The following TEN1 variants were observed in gnomAD, a reference collection of about 807,000 sequenced individuals.
The protein encoded by TEN1 is TEN1 subunit of CST complex.
TEN1 carries 6 observed loss-of-function variants against 9.3 expected under a neutral mutation model. That is an observed-to-expected ratio of 0.65 (90% CI 0.35 to 1.27). The LOEUF (loss-of-function observed/expected upper bound fraction) is 1.27. TEN1 is among the 50% of genes most tolerant of loss of function. The pLI, the probability that TEN1 is intolerant of heterozygous loss-of-function variation, is 0.03. For missense variants in TEN1, 149 were observed against 158.2 expected (o/e 0.94, Z 0.31); for synonymous variants, 65 against 65.6 (o/e 0.99, Z 0.04).
chr17:75,984,606 C>T (rs1567895480), intron 1 of TEN1: 1 of 152,286 alleles, frequency 6.6e-6, no homozygotes. Context: ...CCTCAAACTC[C>T]TGAGCTCAAG....
chr17:76,000,159 AG>A lies in TEN1; in HGVS notation c.271del (p.Ala91ArgfsTer4), dbSNP rs1405380731. 1.9e-5 allele frequency: 29 copies of A among 1,551,020 alleles called. No homozygotes were observed. Among genetic ancestry groups the A allele is most frequent in the Non-Finnish European group, 2.3e-5 (26 of 1,146,750 alleles). On this transcript the variant is annotated frameshift_variant, in exon 4 of 4. Transcript: ENST00000397640. LOFTEE classifies it high-confidence loss of function. This position sits in a 1 kb window ranked among gnomAD's most constrained non-coding sequence, Gnocchi z 5.9. ...QHQQDRGSVV[K>X]ARVLTCVEGM... ...CTTGCAGACAGAGGCTCCGTGGTGA[AG>A]GCGCGCGTGCTGACCTGTGTGGAGG...
rs1158234648 is a variant in TEN1, at chr17:76,000,148, C to T, written c.258C>T (p.Gly86=). 1 of 1,551,052 alleles carries T rather than the reference C, an allele frequency of 6.4e-7. No homozygotes were observed. The highest frequency in any genetic ancestry group is 2.0e-5 in the Admixed American group (1 of 50,884). Residue 86 remains glycine, a synonymous_variant, in exon 4 of 4, where the codon GGC becomes GGT. Transcript: ENST00000397640. The surrounding 1 kb of genome is among the most constrained non-coding windows in gnomAD (Gnocchi z 5.9). ...LGELQHQQDR[G]SVVKARVLTC... Reference sequence around the variant, plus strand: ...CTGGTGTTTGTCTTGCAGACAGAGGCTCCGTGGTGAAGGCGCGCGTGCTGA... The same window carrying T: ...CTGGTGTTTGTCTTGCAGACAGAGGTTCCGTGGTGAAGGCGCGCGTGCTGA...
At chr17:75,995,637 G>A (rs1041385011) in intron 3 of TEN1, among the ~76,000 whole-genome samples, 1 of 152,214 alleles carries the variant, frequency 6.6e-6, no homozygotes, top group Admixed American at 6.5e-5. Context: ...TGGAACTAAG[G>A]TGTGGGGCAC....
At chr17:75,988,561 C>CAAAAAAAAAAA (rs1189354019) in intron 2 of TEN1, among the ~76,000 whole-genome samples, 15 of 28,972 alleles carry the variant, frequency 5.2e-4, no homozygotes, top group Non-Finnish European at 7.8e-4. Flanking sequence ...GATCCTGCCT[C>CAAAAAAAAAAA]AAAAAAAAAA....
intron 2 of TEN1, among the ~76,000 whole-genome samples, chr17:75,990,693 G>T (rs1000735619): frequency 2.7e-5 from 4 of 150,822 alleles, no homozygotes; most frequent in Non-Finnish European, 5.9e-5. Flanking sequence ...TATTAGCCAC[G>T]TGTGATGGCA....
chr17:75,983,341 C>T (rs1489838255), intron 1 of TEN1, among the ~76,000 whole-genome samples: 1 of 152,118 alleles, frequency 6.6e-6, no homozygotes, highest in Non-Finnish European at 1.5e-5. Flanking sequence ...ATTCCTCCCT[C>T]GGTGAGAATT....
At chr17:75,979,999 C>T (rs1242984349) in intron 1 of TEN1, among the ~76,000 whole-genome samples, 1 of 151,936 alleles carries the variant, frequency 6.6e-6, no homozygotes, top group African/African-American at 2.4e-5. Flanking sequence ...TCTTTGCTTT[C>T]GCCATCACCG....
At chr17:75,994,020 C>CA (rs1265730062) in intron 3 of TEN1, among the ~76,000 whole-genome samples, 5 of 151,600 alleles carry the variant, frequency 3.3e-5, no homozygotes, top group South Asian at 2.1e-4. Flanking sequence ...GAAGAAAAAA[C>CA]AAAAAAAATT....
chr17:75,989,348 G>A (rs1176217658), intron 2 of TEN1, among the ~76,000 whole-genome samples: 1 of 150,976 alleles, frequency 6.6e-6, no homozygotes, highest in African/African-American at 2.4e-5. Context: ...TCCTGACCTC[G>A]TGATCTGCCT....
chr17:75,983,713 G>GAT (rs2066136236), intron 1 of TEN1, among the ~76,000 whole-genome samples: 1 of 152,152 alleles, frequency 6.6e-6, no homozygotes, highest in South Asian at 2.1e-4. Context: ...GTAGTTTCGG[G>GAT]GAAGGGGTGG....
chr17:75,993,928 G>C (rs113006250), intron 3 of TEN1, among the ~76,000 whole-genome samples: 1 of 151,340 alleles, frequency 6.6e-6, no homozygotes, highest in East Asian at 2.0e-4. Flanking sequence ...CCCGGGAGGC[G>C]GAGGAGGTTG....
chr17:75,982,171 C>G (rs538771167), intron 1 of TEN1, among the ~76,000 whole-genome samples: 164 of 152,344 alleles, frequency 1.1e-3, no homozygotes, highest in Non-Finnish European at 2.1e-3. Flanking sequence ...GGTCCTCCCC[C>G]ACACCCAGAA....
intron 3 of TEN1, among the ~76,000 whole-genome samples, chr17:75,997,908 G>A (rs28645419): frequency 0.5 from 75,252 of 151,130 alleles, 22,286 homozygotes; most frequent in African/African-American, 0.85. Flanking sequence ...GGCTGGGAGT[G>A]CAGTGGCACG....
At chr17:75,998,822 C>T (rs1169269070) in intron 3 of TEN1, among the ~76,000 whole-genome samples, 2 of 152,054 alleles carry the variant, frequency 1.3e-5, no homozygotes, top group African/African-American at 4.8e-5. Context: ...TCCCGAGTAG[C>T]TGGGTTTACA....
At chr17:75,998,093 C>G (rs1197782648) in intron 3 of TEN1, among the ~76,000 whole-genome samples, 1 of 151,978 alleles carries the variant, frequency 6.6e-6, no homozygotes, top group Admixed American at 6.6e-5. Context: ...CTCAGGTGAT[C>G]CGCCTGCGTC....
chr17:75,999,659 T>G (rs1225045018), intron 3 of TEN1, among the ~76,000 whole-genome samples: 1 of 152,094 alleles, frequency 6.6e-6, no homozygotes, highest in Non-Finnish European at 1.5e-5. Flanking sequence ...AGAAAATTTT[T>G]AAAAAGTCTC....
intron 3 of TEN1, among the ~76,000 whole-genome samples, chr17:75,995,284 TGA>T (rs2066212297): frequency 6.6e-6 from 1 of 151,652 alleles, no homozygotes; most frequent in African/African-American, 2.4e-5. Context: ...CCCAGCACTT[TGA>T]GAGGCTAGGG....
rs150087621 is a variant in TEN1, at chr17:75,980,689, C to T, written c.-7+1178C>T. On this transcript the variant is annotated intron_variant, in intron 1 of 3. Coordinates refer to ENST00000397640, the MANE Select transcript of TEN1 (RefSeq NM_001113324.3). ...CCACCTGCCTCGGCCTCCCAAAGCG[C>T]CGGGATTACAGGCGTGAGCCGCTGC... Among the ~76,000 whole-genome samples the T allele has an allele frequency of 5.9e-3, 901 of 152,310 alleles. 6 individuals carry two copies. The highest frequency in any genetic ancestry group is 0.018 in the African/African-American group (741 of 41,556).
chr17:75,998,567 T>A (rs2066231677), intron 3 of TEN1, among the ~76,000 whole-genome samples: 1 of 152,192 alleles, frequency 6.6e-6, no homozygotes, highest in Non-Finnish European at 1.5e-5. Context: ...CTAGGCAGGA[T>A]GACACCCTGA....
Sources: gnomAD v4.1 joint callset for allele counts (sites outside exome capture counted in the v4.1 genomes callset) on GRCh38, gnomAD v4.1.1 for gene constraint, Gnocchi (gnomAD v3.1) non-coding constraint, MANE v1.5 for transcripts, NCBI Gene and HGNC (gene_info 2026-07-23, HGNC 2026-07-21) for gene names.